The following SP3 variants were observed in gnomAD, a reference collection of about 807,000 sequenced individuals.
SP3 encodes Sp3 transcription factor.
Under a neutral mutation model 70.3 loss-of-function variants are expected in SP3, and 10 were observed. The ratio of observed to expected loss-of-function variants is 0.14; its 90% confidence interval spans 0.09 to 0.24. The LOEUF is 0.24. Ranked by LOEUF, SP3 falls within the 10% of genes least tolerant of loss-of-function variation. The probability of loss-of-function intolerance (pLI) is 1.00; values close to 1 mark genes in which losing one functional copy is unlikely to be tolerated. For missense variants in SP3, 825 were observed against 914.6 expected, an observed-to-expected ratio of 0.90 and a Z score of 1.26; for synonymous variants, 402 against 333.5, an observed-to-expected ratio of 1.21 and a Z score of -2.24.
chr2:173,960,909 G>C (rs928611177), intron 3 of SP3, among the ~76,000 whole-genome samples: 2 of 152,166 alleles, frequency 1.3e-5, no homozygotes, highest in African/African-American at 4.8e-5. Flanking sequence ...CCAGGAAGCA[G>C]AGCCTGCAGT....
Position 173,909,711 on chromosome 2 carries a change from T to G in SP3, c.*230A>C, listed in dbSNP as rs1430623022. The stretch of plus-strand genomic sequence containing the variant: ...TTCTCTTTATATAACTTGGTAAAAT[T>G]TCATTTCTTCTAGATTCCAAAAGTA... On this transcript the variant is annotated 3_prime_UTR_variant, in exon 7 of 7. Coordinates refer to ENST00000310015, the MANE Select transcript of SP3 (RefSeq NM_003111.5). 5 of 377,496 alleles carry G rather than the reference T, an allele frequency of 1.3e-5. No individual in the cohort carries two copies. The highest frequency in any genetic ancestry group is 2.4e-5 in the Non-Finnish European group (5 of 208,086). 23.4% of individuals were successfully genotyped at this position (377,496 alleles called of 1,614,324 possible).
intron 3 of SP3, 84 bp downstream of exon 3, chr2:173,963,677 G>A: frequency 5.0e-6 from 2 of 399,612 alleles, no homozygotes; most frequent in Non-Finnish European, 6.8e-6. Context: ...GCGGGCGCCG[G>A]GGAGGCCTTT....
chr2:173,904,594 C>T lies in SP3; in HGVS notation c.*5347G>A, dbSNP rs1424717177. 6.6e-6 allele frequency among the ~76,000 whole-genome samples: 1 copy of T among 152,170 alleles called. No homozygotes were observed. Among genetic ancestry groups the T allele is most frequent in the East Asian group, 1.9e-4 (1 of 5,198 alleles). On this transcript the variant is annotated 3_prime_UTR_variant, in exon 7 of 7. Coordinates refer to ENST00000310015, the MANE Select transcript of SP3 (RefSeq NM_003111.5). ...AATGTCATCTTTGCTTTCTCTGCCT[C>T]CCATGTATGTTCCAGATGTGACCTC...
At chr2:173,961,784 G>A (rs1691088095) in intron 3 of SP3, among the ~76,000 whole-genome samples, 1 of 152,080 alleles carries the variant, frequency 6.6e-6, no homozygotes, top group African/African-American at 2.4e-5. Context: ...GTGCTGAAAA[G>A]ATGTCTTAAG....
Position 173,955,636 on chromosome 2 carries a change from G to A in SP3, c.876C>T (p.Ala292=), listed in dbSNP as rs768014869. ...SSQTMTAGIN[A]DGHLINTGQA... ...GTCCTGTGTTTATCAAATGTCCGTC[G>A]GCATTAATGCCTGCAGTCATTGTCT... Residue 292 remains alanine (A), a synonymous_variant, in exon 4 of 7, where the codon GCC becomes GCT. Coordinates refer to ENST00000310015, the MANE Select transcript of SP3 (RefSeq NM_003111.5). 19 of 1,613,990 alleles carry A rather than the reference G, an allele frequency of 1.2e-5. No homozygotes were observed. The highest frequency in any genetic ancestry group is 1.6e-4 in the Middle Eastern group (1 of 6,084).
intron 3 of SP3, 66 bp downstream of exon 3, chr2:173,963,695 G>A (rs1242951745): frequency 2.3e-5 from 14 of 607,082 alleles, no homozygotes; most frequent in Non-Finnish European, 2.7e-5. Flanking sequence ...TTTTGGGCAG[G>A]CGCGCCACGG....
rs1208104854 is a variant in SP3 at position 173,905,541 on chromosome 2, T to C, written c.*4400A>G. Among the ~76,000 whole-genome samples the C allele has an allele frequency of 6.6e-6, 1 of 152,168 alleles. No homozygotes were observed. Among genetic ancestry groups the C allele is most frequent in the African/African-American group, 2.4e-5 (1 of 41,420 alleles). ...CCTTCTCAGGATATCATTCTTAACA[T>C]CAAAAACTGTATCTTAAACGTATTT... is the stretch of plus-strand genomic sequence containing the variant. On this transcript the variant is annotated 3_prime_UTR_variant, in exon 7 of 7. Transcript: ENST00000310015.
chr2:173,927,629 A>G (rs2105468668), intron 4 of SP3, among the ~76,000 whole-genome samples: 1 of 152,326 alleles, frequency 6.6e-6, no homozygotes, highest in South Asian at 2.1e-4. Flanking sequence ...ATATATCACA[A>G]TATAAACTCA....
Position 173,904,497 on chromosome 2 carries a change from G to A in SP3, c.*5444C>T, listed in dbSNP as rs544711811. On this transcript the variant is annotated 3_prime_UTR_variant, in exon 7 of 7. Coordinates refer to ENST00000310015, the MANE Select transcript of SP3 (RefSeq NM_003111.5). ...GAGGATGAAATGCAGATAGTGAAAT[G>A]CAAGACACTGGAACAAACACTGCCA... 4.6e-4 allele frequency among the ~76,000 whole-genome samples: 70 copies of A among 152,318 alleles called. No homozygotes were observed. Among genetic ancestry groups the A allele is most frequent in the Non-Finnish European group, 2.8e-4 (19 of 68,026 alleles).
chr2:173,927,162 T>C (rs555796126), intron 4 of SP3, among the ~76,000 whole-genome samples: 2 of 152,200 alleles, frequency 1.3e-5, no homozygotes, highest in East Asian at 1.9e-4. Context: ...TGGTAAGCCA[T>C]GGGAAACCAC....
chr2:173,955,339 T>C lies in SP3; in HGVS notation c.1173A>G (p.Ala391=), dbSNP rs1176055790. 2 of 1,614,110 alleles carry C rather than the reference T, an allele frequency of 1.2e-6. No individual in the cohort carries two copies. The highest frequency in any genetic ancestry group is 3.3e-5 in the Admixed American group (2 of 59,974). Residue 391 remains alanine, a synonymous_variant, in exon 4 of 7, where the codon GCA becomes GCG. Transcript: ENST00000310015. ...TQAQNIQVST[A]QPVVQHLQLQ... is the part of the protein sequence containing the mutation. ...GTTGTAGATGCTGTACAACAGGCTG[T>C]GCTGTAGAAACCTGAATATTCTGTG...
At chr2:173,914,355 C>G (rs1239867639) in intron 5 of SP3, 3 of 151,910 alleles carry the variant, frequency 2.0e-5, no homozygotes, top group Non-Finnish European at 4.4e-5. Flanking sequence ...TCCTGTAAAA[C>G]TTTCTATAGC....
At chr2:173,962,078 G>A (rs1691107020) in intron 3 of SP3, among the ~76,000 whole-genome samples, 1 of 151,858 alleles carries the variant, frequency 6.6e-6, no homozygotes, top group African/African-American at 2.4e-5. Context: ...TGTGTTGTCA[G>A]GAGTGATTTG....
In SP3 at chr2:173,959,162, T is replaced by C. The variant is rs149062505; in HGVS notation, c.280-2930A>G. Among the ~76,000 whole-genome samples, 391 of 152,164 alleles carry C rather than the reference T, an allele frequency of 2.6e-3. 1 individual carries two copies. Among genetic ancestry groups the C allele is most frequent in the African/African-American group, 9.0e-3 (373 of 41,538 alleles). On this transcript the variant is annotated intron_variant, in intron 3 of 6. Transcript: ENST00000310015. ...CCTTCTATGAAAAAGTCTAAACCAA[T>C]TTTAAGCCTATTTATTTCCACAATT...
chr2:173,921,281 T>G (rs1222496261), intron 4 of SP3, among the ~76,000 whole-genome samples: 1 of 152,212 alleles, frequency 6.6e-6, no homozygotes, highest in Non-Finnish European at 1.5e-5. Context: ...TCCCACAAAT[T>G]AAATTCATAA....
chr2:173,955,724 T>C lies in SP3; in HGVS notation c.788A>G (p.Asn263Ser), dbSNP rs1331527574. 3.1e-6 allele frequency: 5 copies of C among 1,614,186 alleles called. No homozygotes were observed. In the Admixed American group the frequency reaches 8.3e-5, roughly 27 times the overall value. ...ACTATTGATTGGTACAAACGTAATATTTCCTGGCAGACCAAGAGGCACATT... is the reference window on the plus strand; with the variant it reads ...ACTATTGATTGGTACAAACGTAATACTTCCTGGCAGACCAAGAGGCACATT... ...VANVPLGLPG[N>S]ITFVPINSVD... is the part of the protein sequence containing the mutation. Residue 263 changes from asparagine to serine, a missense_variant, in exon 4 of 7, where the codon AAT becomes AGT. Physicochemically the swap from Asn to Ser is conservative, Grantham distance 46. Transcript: ENST00000310015.
At chr2:173,957,050 A>G (rs1484576003) in intron 3 of SP3, among the ~76,000 whole-genome samples, 1 of 152,226 alleles carries the variant, frequency 6.6e-6, no homozygotes, top group Non-Finnish European at 1.5e-5. Context: ...AGACATACAC[A>G]GTTCTCTCAA....
In SP3 at chr2:173,910,138, C is replaced by G. The variant is rs763034180; in HGVS notation, c.2149G>C (p.Ala717Pro). The change falls in exon 7 of 7, where the codon GCA becomes CCA. Residue 717 changes from alanine (A) to proline (P), a missense_variant. Ala to Pro is a conservative substitution (Grantham distance 27). This residue lies in a region of SP3 where 91 missense variants were observed against 97.4 expected (regional missense o/e 0.93). Transcript: ENST00000310015. ...KGIHSSSTVLASVEAARDDTL... is the reference protein window; with the variant it reads ...KGIHSSSTVLPSVEAARDDTL... ...TCATCTCGCGCAGCTTCCACAGATG[C>G]CAGCACTGTACTGCTAGAGTGAATA... 5.6e-6 allele frequency: 9 copies of G among 1,613,362 alleles called. No homozygotes were observed. The South Asian group carries it at 9.9e-5, about 18-fold the overall frequency.
intron 4 of SP3, among the ~76,000 whole-genome samples, chr2:173,953,366 C>A (rs192199344): frequency 6.6e-6 from 1 of 152,348 alleles, no homozygotes; most frequent in Non-Finnish European, 1.5e-5. Context: ...CAATGGTCCA[C>A]AGATCACATT....
Sources: gnomAD v4.1 joint callset for allele counts (sites outside exome capture counted in the v4.1 genomes callset) on GRCh38, gnomAD v4.1.1 for gene constraint, gnomAD v4.1.1 regional missense constraint, MANE v1.5 for transcripts, NCBI Gene and HGNC (gene_info 2026-07-23, HGNC 2026-07-21) for gene names.